FREM1: variants seen among roughly 807,000 people sequenced by gnomAD.
FREM1 encodes the protein FRAS1 related extracellular matrix 1, also known as FRAS1-related extracellular matrix protein 1.
Under a neutral mutation model 210.1 loss-of-function variants are expected in FREM1, and 220 were observed. The ratio of observed to expected loss-of-function variants is 1.05; its 90% confidence interval spans 0.94 to 1.17. The LOEUF is 1.17. FREM1 is among the 50% of genes most tolerant of loss of function. FREM1 has a pLI of 0.00. For missense variants in FREM1, 3,454 were observed against 2,675.5 expected (o/e 1.29, Z -6.42); for synonymous variants, 1,189 against 980.2 (o/e 1.21, Z -3.98).
chr9:14,799,854 A>G (rs1588057572), intron 20 of FREM1, among the ~76,000 whole-genome samples: 1 of 151,718 alleles, frequency 6.6e-6, no homozygotes, highest in Non-Finnish European at 1.5e-5. Context: ...TGTGCAGGTT[A>G]GTTACATATG....
At chr9:14,747,860 C>G (rs529022197) in intron 31 of FREM1, 132 bp from the exon 32 acceptor site, 1 of 514,072 alleles carries the variant, frequency 1.9e-6, no homozygotes, top group Non-Finnish European at 3.4e-6. Context: ...AGATTTCCCA[C>G]GCCCAAATCA....
chr9:14,789,765 G>A (rs1184273867), intron 22 of FREM1, among the ~76,000 whole-genome samples: 7 of 152,144 alleles, frequency 4.6e-5, no homozygotes, highest in African/African-American at 7.2e-5. Flanking sequence ...TTAAGCATAT[G>A]TTTTGTACAG....
At chr9:14,840,171 A>G (rs889425624) in intron 10 of FREM1, among the ~76,000 whole-genome samples, 3 of 152,224 alleles carry the variant, frequency 2.0e-5, no homozygotes, top group South Asian at 2.1e-4. Flanking sequence ...GTCAGTGTCT[A>G]TGACATTATG....
At chr9:14,814,876 A>G (rs989805940) in intron 15 of FREM1, among the ~76,000 whole-genome samples, 5 of 152,246 alleles carry the variant, frequency 3.3e-5, no homozygotes, top group African/African-American at 1.2e-4. Flanking sequence ...AAAAAGAAAC[A>G]ATAAACAGAT....
At chr9:14,789,552 A>G (rs564498634) in intron 22 of FREM1, among the ~76,000 whole-genome samples, 1 of 152,226 alleles carries the variant, frequency 6.6e-6, no homozygotes, top group African/African-American at 2.4e-5. Context: ...AACATGGCTC[A>G]TTACTGGGCT....
At chr9:14,853,025 G>C (rs949182848) in intron 5 of FREM1, among the ~76,000 whole-genome samples, 3 of 152,204 alleles carry the variant, frequency 2.0e-5, no homozygotes, top group Non-Finnish European at 4.4e-5. Flanking sequence ...GATTAGGAGA[G>C]AGGAGTGCTT....
At chr9:14,884,915 CTTTTTT>C (rs745465527) in intron 1 of FREM1, among the ~76,000 whole-genome samples, 19 of 70,398 alleles carry the variant, frequency 2.7e-4, no homozygotes, top group East Asian at 2.3e-3. Flanking sequence ...TTCATCATAG[CTTTTTT>C]TTTTTTTTTT....
chr9:14,825,537 G>A (rs200804930), intron 10 of FREM1, among the ~76,000 whole-genome samples: 10 of 18,266 alleles, frequency 5.5e-4, no homozygotes, highest in South Asian at 6.8e-3. Context: ...ATATATATAT[G>A]TGTGTGTGTG....
At chr9:14,899,514 G>A (rs1293837118) in intron 1 of FREM1, among the ~76,000 whole-genome samples, 1 of 152,148 alleles carries the variant, frequency 6.6e-6, no homozygotes, top group Non-Finnish European at 1.5e-5. Context: ...CTGAATGTCT[G>A]ATTAGATGTC....
intron 3 of FREM1, 116 bp from the exon 4 acceptor site, chr9:14,859,600 G>C (rs919111382): frequency 2.4e-6 from 2 of 826,532 alleles, no homozygotes; most frequent in East Asian, 2.5e-5. Context: ...CACAGATTGA[G>C]TTTGGATTTC....
chr9:14,791,350 T>C (rs13296345), intron 22 of FREM1, among the ~76,000 whole-genome samples: 51,397 of 152,136 alleles, frequency 0.34, 9,069 homozygotes, highest in Middle Eastern at 0.48. Flanking sequence ...AATCCTCCCT[T>C]TATTGTTTCC....
At position 14,740,212 on chromosome 9, in the gene FREM1, C is replaced by T. The variant is rs1340734157; in HGVS notation, c.6277G>A (p.Val2093Ile). 2 of 1,612,706 alleles carry T rather than the reference C, an allele frequency of 1.2e-6. No homozygotes were observed. The highest frequency in any genetic ancestry group is 1.1e-5 in the South Asian group (1 of 90,902). ...CACCGCATGTGCTGCCTGGAGAATA[C>T]AGTTACAAGGTTGCCCAGGTATCTA... Reference protein sequence around the residue: ...REQYLGNLVTVFSRQHMRWLW... With the variant: ...REQYLGNLVTIFSRQHMRWLW... The change falls in exon 36 of 37, where the codon GTA (valine) becomes ATA (isoleucine). Residue 2093 changes from valine (V) to isoleucine (I), a missense_variant. Coordinates refer to ENST00000380880, the MANE Select transcript of FREM1 (RefSeq NM_001379081.2).
intron 24 of FREM1, among the ~76,000 whole-genome samples, chr9:14,778,242 T>G (rs1348686851): frequency 5.3e-5 from 8 of 151,984 alleles, no homozygotes; most frequent in Non-Finnish European, 2.9e-5. Context: ...AAACCTTTGA[T>G]AAGTATATTT....
At chr9:14,818,572 T>C (rs1016749548) in intron 14 of FREM1, among the ~76,000 whole-genome samples, 6 of 152,224 alleles carry the variant, frequency 3.9e-5, no homozygotes, top group African/African-American at 9.6e-5. Context: ...ATAGCTTGTA[T>C]TGTTTTCCAG....
rs995540268 is a variant in FREM1, at chr9:14,892,675, C to T, written c.-268+17239G>A. On this transcript the variant is annotated intron_variant, in intron 1 of 36. Transcript: ENST00000380880. ...ATCATGGGACATGGGGACAAGTTTC[C>T]CCCTAAAGGGGAAACTTGAGAGCTG... 3.9e-5 allele frequency among the ~76,000 whole-genome samples: 6 copies of T among 152,110 alleles called. No homozygotes were observed. In the South Asian group the frequency reaches 1.2e-3, roughly 32 times the overall value.
intron 5 of FREM1, among the ~76,000 whole-genome samples, chr9:14,856,923 T>A (rs1828863947): frequency 6.6e-6 from 1 of 151,776 alleles, no homozygotes; most frequent in African/African-American, 2.4e-5. Context: ...AGTTCATGAA[T>A]CAGCAGCACT....
chr9:14,843,647 G>A (rs1441413331), intron 8 of FREM1, among the ~76,000 whole-genome samples: 1 of 152,178 alleles, frequency 6.6e-6, no homozygotes, highest in Non-Finnish European at 1.5e-5. Flanking sequence ...GCAACAGTAA[G>A]CCTACAATAA....
chr9:14,846,943 C>G (rs1312185730), intron 7 of FREM1, among the ~76,000 whole-genome samples: 1 of 152,204 alleles, frequency 6.6e-6, no homozygotes, highest in Non-Finnish European at 1.5e-5. Flanking sequence ...ATGCAGCCGG[C>G]TACCTCCACT....
intron 29 of FREM1, among the ~76,000 whole-genome samples, chr9:14,753,867 T>C (rs1661039814): frequency 1.3e-5 from 2 of 152,254 alleles, no homozygotes; most frequent in African/African-American, 4.8e-5. Context: ...ATTGTTTTTT[T>C]CTTAATTTAT....
Sources: allele counts gnomAD v4.1 joint callset (sites outside exome capture counted in the v4.1 genomes callset), GRCh38; gene constraint gnomAD v4.1.1; transcripts MANE v1.5; gene names NCBI Gene and HGNC (gene_info 2026-07-23, HGNC 2026-07-21).